CCDC180: variants seen among roughly 807,000 people sequenced by gnomAD.
CCDC180 encodes the protein coiled-coil domain containing 180.
Under a neutral mutation model 209.2 loss-of-function variants are expected in CCDC180, and 154 were observed. That is an observed-to-expected ratio of 0.74 (90% confidence interval 0.65 to 0.84). The LOEUF (loss-of-function observed/expected upper bound fraction) is 0.84, where lower values mean the gene tolerates loss of function less well. Among genes scored for constraint, CCDC180 ranks in the 40% least tolerant of loss-of-function variants. CCDC180 has a pLI of 0.00. For synonymous variants in CCDC180, 778 were observed against 749.1 expected (o/e 1.04, Z -0.63); for missense variants, 1,874 against 1,997.3 (o/e 0.94, Z 1.18).
intron 19 of CCDC180, chr9:97,345,485 C>T (rs1038209621): frequency 1.4e-4 from 53 of 368,436 alleles, no homozygotes; most frequent in Non-Finnish European, 2.6e-4. Context: ...TAAAAATACT[C>T]ATTGGGCCAT....
chr9:97,365,668 T>A lies in CCDC180; in HGVS notation c.3981-5T>A. ...CCTCAGGGATCTGTCTCGTGTGTGT[T>A]GCAGGGATTTTAAGGGGATCATCTT... On this transcript the variant is annotated splice_polypyrimidine_tract_variant and splice_region_variant and intron_variant, in intron 29 of 36. Coordinates refer to ENST00000529487, the MANE Select transcript of CCDC180 (RefSeq NM_020893.6). 1 of 1,613,994 alleles carries A rather than the reference T, an allele frequency of 6.2e-7. No homozygotes were observed. Among genetic ancestry groups the A allele is most frequent in the Non-Finnish European group, 8.5e-7 (1 of 1,179,866 alleles).
At chr9:97,347,742 C>T in intron 20 of CCDC180, 1 of 444,476 alleles carries the variant, frequency 2.2e-6, no homozygotes, top group Non-Finnish European at 4.1e-6. Flanking sequence ...TAGTTGAAAA[C>T]AAAGAGTGTT....
At chr9:97,309,641 AG>A in intron 3 of CCDC180, 37 bp downstream of exon 3, 1 of 1,471,696 alleles carries the variant, frequency 6.8e-7, no homozygotes, top group Non-Finnish European at 9.0e-7. Flanking sequence ...CCCATGCACT[AG>A]GGTACCTGAG....
At chr9:97,330,244 G>A (rs369552772) in intron 17 of CCDC180, 51 bp downstream of exon 17, 67 of 1,611,130 alleles carry the variant, frequency 4.2e-5, no homozygotes, top group Admixed American at 3.2e-4. Flanking sequence ...ACTCTTACGC[G>A]TTTGTGGGTT....
At chr9:97,370,929 T>TGGG in intron 33 of CCDC180, 151 bp downstream of exon 33, 10 of 540,750 alleles carry the variant, frequency 1.8e-5, no homozygotes, top group East Asian at 1.1e-4. Flanking sequence ...ATGGCCATTA[T>TGGG]TGGCTGTTTT....
rs771791578 is a variant in CCDC180, at chr9:97,343,397, A to G, written c.2332A>G (p.Thr778Ala). Residue 778 changes from threonine to alanine, a missense_variant, in exon 19 of 37, where the codon ACA (threonine) becomes GCA (alanine). By Grantham distance (58) the Thr-to-Ala change is moderately conservative (BLOSUM62 0). Transcript: ENST00000529487. ...EIYYEDMESF[T>A]ISSGNTYFVF... The stretch of plus-strand genomic sequence containing the variant: ...ATACTATGAGGACATGGAGTCCTTC[A>G]CAATCTCCAGTGGAAACACTTATTT... The G allele has an allele frequency of 3.1e-6, 5 of 1,613,998 alleles. No individual in the cohort carries two copies. Among genetic ancestry groups the G allele is most frequent in the Non-Finnish European group, 4.2e-6 (5 of 1,179,844 alleles).
chr9:97,333,503 GTTTTTTTT>G (rs373215367), intron 18 of CCDC180, among the ~76,000 whole-genome samples: 4 of 72,830 alleles, frequency 5.5e-5, no homozygotes, highest in African/African-American at 2.8e-4. Context: ...CTGGGTTTGG[GTTTTTTTT>G]TTTTTTTTTT....
In CCDC180 at chr9:97,349,168, C is replaced by T. The variant is rs757204260; in HGVS notation, c.2732C>T (p.Thr911Met). 63 of 1,536,200 alleles carry T rather than the reference C, an allele frequency of 4.1e-5. No individual in the cohort carries two copies. The highest frequency in any genetic ancestry group is 5.4e-5 in the Non-Finnish European group (62 of 1,146,966). The change falls in exon 21 of 37, where the codon ACG becomes ATG. Residue 911 changes from threonine to methionine, a missense_variant. Thr to Met is a moderately conservative substitution (Grantham distance 81). Coordinates refer to ENST00000529487, the MANE Select transcript of CCDC180 (RefSeq NM_020893.6). ...AGCCACTGTGCTGGGGTGACCGAGA[C>T]GCTGAAGAAGAAGCGGCTGATGTTC... The part of the protein sequence containing the change: ...LDSHCAGVTE[T>M]LKKKRLMFCQ...
chr9:97,316,148 C>G (rs535177909), intron 8 of CCDC180, among the ~76,000 whole-genome samples: 1 of 152,160 alleles, frequency 6.6e-6, no homozygotes, highest in Non-Finnish European at 1.5e-5. Context: ...TTCAGTGTCC[C>G]GGATGTGTTT....
chr9:97,318,826 G>T (rs1051475595), intron 10 of CCDC180, among the ~76,000 whole-genome samples: 2 of 152,222 alleles, frequency 1.3e-5, no homozygotes, highest in African/African-American at 4.8e-5. Context: ...ATGAACGGGG[G>T]TGAGGAAGGA....
intron 18 of CCDC180, among the ~76,000 whole-genome samples, chr9:97,340,054 T>C (rs1826030299): frequency 6.6e-6 from 1 of 152,202 alleles, no homozygotes; most frequent in Admixed American, 6.5e-5. Flanking sequence ...TAGTTAGCCA[T>C]TCGTCTAATC....
intron 10 of CCDC180, 25 bp from the exon 11 acceptor site, chr9:97,320,101 T>G: frequency 6.2e-7 from 1 of 1,602,032 alleles, no homozygotes. Context: ...CCTGTGTGGC[T>G]TACTTGCTGT....
intron 18 of CCDC180, among the ~76,000 whole-genome samples, chr9:97,342,865 C>G (rs1826128776): frequency 6.6e-6 from 1 of 152,232 alleles, no homozygotes; most frequent in Non-Finnish European, 1.5e-5. Context: ...GTCCTCAAAA[C>G]ATATTCAAAA....
chr9:97,350,165 A>T (rs1163046922), intron 21 of CCDC180, among the ~76,000 whole-genome samples: 1 of 148,488 alleles, frequency 6.7e-6, no homozygotes, highest in Non-Finnish European at 1.5e-5. Context: ...CTCCCCTCTC[A>T]TGCCCCCCAA....
intron 32 of CCDC180, 113 bp from the exon 33 acceptor site, chr9:97,370,528 A>C: frequency 4.1e-6 from 5 of 1,228,314 alleles, no homozygotes; most frequent in South Asian, 1.5e-5. Context: ...TCACCCCCAC[A>C]CACCCAGGTC....
chr9:97,370,586 C>T, intron 32 of CCDC180, 55 bp from the exon 33 acceptor site: 1 of 1,593,378 alleles, frequency 6.3e-7, no homozygotes, highest in Non-Finnish European at 8.6e-7. Flanking sequence ...AGACACAGGT[C>T]AGTGACTTTT....
intron 8 of CCDC180, among the ~76,000 whole-genome samples, chr9:97,316,074 G>GTC (rs1311766781): frequency 1.3e-5 from 2 of 152,202 alleles, no homozygotes; most frequent in Non-Finnish European, 2.9e-5. Context: ...TGTGGTAGCT[G>GTC]TCTTCTGAGA....
At chr9:97,363,521 C>A in intron 28 of CCDC180, 1 of 500,788 alleles carries the variant, frequency 2.0e-6, no homozygotes, top group Non-Finnish European at 4.2e-6. Flanking sequence ...AAACAAAGTC[C>A]ATGTCACTAG....
chr9:97,348,231 C>T (rs1478611473), intron 20 of CCDC180, among the ~76,000 whole-genome samples: 5 of 152,218 alleles, frequency 3.3e-5, no homozygotes, highest in Non-Finnish European at 5.9e-5. Flanking sequence ...AGCCCCATCA[C>T]TAACCCATGC....
Sources: allele counts gnomAD v4.1 joint callset (sites outside exome capture counted in the v4.1 genomes callset), GRCh38; gene constraint gnomAD v4.1.1; transcripts MANE v1.5; gene names NCBI Gene and HGNC (gene_info 2026-07-23, HGNC 2026-07-21).